The following CCDC83 variants were observed in gnomAD, a reference collection of about 807,000 sequenced individuals.
CCDC83 encodes the protein coiled-coil domain containing 83, also known as coiled-coil domain-containing protein 83.
CCDC83 carries 54 observed loss-of-function variants against 50.1 expected under a neutral mutation model. The ratio of observed to expected loss-of-function variants is 1.08; its 90% CI spans 0.87 to 1.35. CCDC83 has a LOEUF of 1.35. Among genes scored for constraint, CCDC83 ranks in the 40% most tolerant of loss-of-function variants. The pLI, the probability that CCDC83 is intolerant of heterozygous loss-of-function variation, is 0.00. For synonymous variants in CCDC83, 161 were observed against 153.3 expected (o/e 1.05, Z -0.37); for missense variants, 518 against 473.9 (o/e 1.09, Z -0.86).
chr11:85,903,490 A>G (rs1339585014), intron 7 of CCDC83, among the ~76,000 whole-genome samples: 1 of 151,120 alleles, frequency 6.6e-6, no homozygotes, highest in East Asian at 2.0e-4. Context: ...TTTAGTACAG[A>G]TGGGGTTTCA....
intron 6 of CCDC83, among the ~76,000 whole-genome samples, 161 bp from the exon 7 acceptor site, chr11:85,898,786 T>G (rs2093387068): frequency 6.6e-6 from 1 of 152,170 alleles, no homozygotes; most frequent in Non-Finnish European, 1.5e-5. Context: ...TACAATAGGA[T>G]AGTAAAGAAT....
At chr11:85,885,347 C>A (rs56396016) in intron 4 of CCDC83, among the ~76,000 whole-genome samples, 20,997 of 152,082 alleles carry the variant, frequency 0.14, 1,760 homozygotes, top group Middle Eastern at 0.19. Context: ...ATTTATTGAG[C>A]GCCAACTAAT....
chr11:85,899,023 GA>G lies in CCDC83; in HGVS notation c.672+10del. On this transcript the variant is annotated intron_variant, in intron 7 of 10. Transcript: ENST00000342404. The stretch of plus-strand genomic sequence containing the variant: ...GACTGGCTCAAAAAAGAGGTAAGTG[GA>G]ATTTATCAAAACAAACAATTTCTTC... The G allele has an allele frequency of 6.3e-7, 1 of 1,593,586 alleles. No homozygotes were observed. The highest frequency in any genetic ancestry group is 8.6e-7 in the Non-Finnish European group (1 of 1,163,942).
intron 8 of CCDC83, among the ~76,000 whole-genome samples, chr11:85,914,143 G>A (rs1055855017): frequency 7.2e-5 from 11 of 152,184 alleles, no homozygotes; most frequent in Non-Finnish European, 1.6e-4. Context: ...TTTCATAGGT[G>A]TAAATATTGT....
At chr11:85,912,504 G>A (rs1285073692) in intron 8 of CCDC83, 4 of 659,190 alleles carry the variant, frequency 6.1e-6, no homozygotes, top group Non-Finnish European at 1.1e-5. Context: ...CAATATAGAT[G>A]AGGTGAGGCT....
chr11:85,911,381 T>G lies in CCDC83; in HGVS notation c.773T>G (p.Leu258Arg), dbSNP rs543317861. Residue 258 changes from leucine (L) to arginine (R), a missense_variant, in exon 8 of 11, where the codon CTT (leucine) becomes CGT (arginine). Transcript: ENST00000342404. The part of the protein sequence containing the change: ...VLIDQLSNCR[L>R]VDLKIPRRLY... ...ATTGATCAACTATCCAACTGTAGAC[T>G]TGTGGATCTCAAGATACCCAGGTGA... 6.2e-7 allele frequency: 1 copy of G among 1,607,066 alleles called. No individual in the cohort carries two copies. Among genetic ancestry groups the G allele is most frequent in the Non-Finnish European group, 8.5e-7 (1 of 1,177,364 alleles).
intron 1 of CCDC83, among the ~76,000 whole-genome samples, chr11:85,863,483 C>T (rs1355794904): frequency 2.0e-5 from 3 of 152,118 alleles, no homozygotes; most frequent in Admixed American, 2.0e-4. Flanking sequence ...CATCTGTGTG[C>T]TTTTCAGTTG....
At chr11:85,886,425 A>C (rs2093327352) in intron 5 of CCDC83, 58 bp downstream of exon 5, 2 of 1,384,174 alleles carry the variant, frequency 1.4e-6, no homozygotes, top group Non-Finnish European at 1.9e-6. Flanking sequence ...TAGGGCATAC[A>C]TTGATGGAAG....
intron 7 of CCDC83, among the ~76,000 whole-genome samples, chr11:85,902,337 C>T (rs964193935): frequency 2.0e-5 from 3 of 152,134 alleles, no homozygotes; most frequent in African/African-American, 7.2e-5. Flanking sequence ...TGCAAGGGCT[C>T]AGAATACTTC....
At chr11:85,878,032 T>C (rs1056736125) in intron 3 of CCDC83, among the ~76,000 whole-genome samples, 1 of 152,154 alleles carries the variant, frequency 6.6e-6, no homozygotes, top group Admixed American at 6.6e-5. Flanking sequence ...GAAAATAAAA[T>C]ATCTGAGAAT....
At chr11:85,874,794 C>A (rs538356542) in intron 3 of CCDC83, among the ~76,000 whole-genome samples, 1 of 152,230 alleles carries the variant, frequency 6.6e-6, no homozygotes, top group African/African-American at 2.4e-5. Context: ...TAAACTTTAC[C>A]TCTCATCTCT....
chr11:85,919,486 T>C lies in CCDC83; in HGVS notation c.1218T>C (p.Tyr406=), dbSNP rs1310348638. The C allele has an allele frequency of 1.9e-6, 3 of 1,608,964 alleles. No homozygotes were observed. In the Admixed American group the frequency reaches 5.1e-5, roughly 27 times the overall value. ...GGAGCCCAGAAAGCCACATCACATA[T>C]AAGATGATGAAGTCTTTTCTCTAAG... ...DVRSPESHIT[Y]KMMKSFL Residue 406 remains tyrosine, a synonymous_variant, in exon 11 of 11, where the codon TAT becomes TAC. Transcript: ENST00000342404.
chr11:85,879,638 G>C (rs1307778324), intron 3 of CCDC83, among the ~76,000 whole-genome samples: 1 of 140,866 alleles, frequency 7.1e-6, no homozygotes, highest in South Asian at 2.2e-4. Flanking sequence ...TTTTTTTTTT[G>C]AGATAGAATT....
chr11:85,880,087 T>G (rs11512932), intron 3 of CCDC83, among the ~76,000 whole-genome samples: 32,165 of 152,108 alleles, frequency 0.21, 3,773 homozygotes, highest in Middle Eastern at 0.22. Context: ...AGCTATACTG[T>G]TTCCTTTGTC....
At chr11:85,860,704 G>C (rs559115428) in intron 1 of CCDC83, among the ~76,000 whole-genome samples, 1 of 152,284 alleles carries the variant, frequency 6.6e-6, no homozygotes, top group South Asian at 2.1e-4. Context: ...TCGCAGCACT[G>C]TTCACAGTAG....
chr11:85,882,840 G>A (rs1405208694), intron 4 of CCDC83, among the ~76,000 whole-genome samples, 165 bp downstream of exon 4: 1 of 152,224 alleles, frequency 6.6e-6, no homozygotes, highest in African/African-American at 2.4e-5. Context: ...GCAGGAGAGG[G>A]AAATAATAAA....
chr11:85,888,205 T>C (rs1309502849), intron 5 of CCDC83, among the ~76,000 whole-genome samples: 1 of 152,242 alleles, frequency 6.6e-6, no homozygotes, highest in Non-Finnish European at 1.5e-5. Context: ...CAGACTATTT[T>C]ACTGTGATAA....
At chr11:85,861,998 TAAA>T (rs34372795) in intron 1 of CCDC83, among the ~76,000 whole-genome samples, 3 of 94,840 alleles carry the variant, frequency 3.2e-5, no homozygotes, top group African/African-American at 1.5e-4. Context: ...CCTGTCTCAT[TAAA>T]AAAAAAAAAA....
chr11:85,908,549 G>A (rs947954906), intron 7 of CCDC83, among the ~76,000 whole-genome samples: 1 of 143,944 alleles, frequency 6.9e-6, no homozygotes, highest in Non-Finnish European at 1.5e-5. Context: ...TAGACTAGAT[G>A]ATTAGATAGA....
Sources: allele counts gnomAD v4.1 joint callset (sites outside exome capture counted in the v4.1 genomes callset), GRCh38; gene constraint gnomAD v4.1.1; transcripts MANE v1.5; gene names NCBI Gene and HGNC (gene_info 2026-07-23, HGNC 2026-07-21).